Variants in CTNNA2 observed in about 807,000 individuals in gnomAD.
The protein encoded by CTNNA2 is catenin alpha-2.
In CTNNA2, 42 loss-of-function variants were observed where a neutral mutation model predicts 101.0. The ratio of observed to expected loss-of-function variants is 0.42; its 90% CI spans 0.32 to 0.54. CTNNA2 has a LOEUF of 0.54. Among genes scored for constraint, CTNNA2 ranks in the 20% least tolerant of loss-of-function variants. The pLI, the probability that CTNNA2 is intolerant of heterozygous loss-of-function variation, is 0.14. For missense variants in CTNNA2, 871 were observed against 1,223.1 expected (o/e 0.71, Z 4.29); for synonymous variants, 450 against 456.4 (o/e 0.99, Z 0.18).
intron 1 of CTNNA2, among the ~76,000 whole-genome samples, chr2:79,584,191 T>C (rs11126736): frequency 0.59 from 90,340 of 152,008 alleles, 28,136 homozygotes; most frequent in South Asian, 0.71. Context: ...ACTCTTCCTC[T>C]GGATTTATCA....
intron 7 of CTNNA2, chr2:80,288,320 T>C (rs1674949447): frequency 6.6e-6 from 1 of 151,984 alleles, no homozygotes; most frequent in African/African-American, 2.4e-5. Context: ...AAAGCAGAAT[T>C]TGGGGGGAGA....
At chr2:80,404,013 G>A (rs1336218147) in intron 8 of CTNNA2, among the ~76,000 whole-genome samples, 1 of 152,168 alleles carries the variant, frequency 6.6e-6, no homozygotes, top group African/African-American at 2.4e-5. Context: ...TGGTTTGCCA[G>A]TATTTTATTG....
chr2:80,173,522 G>A (rs1184329722), intron 7 of CTNNA2, among the ~76,000 whole-genome samples: 2 of 152,114 alleles, frequency 1.3e-5, no homozygotes, highest in Admixed American at 6.6e-5. Flanking sequence ...AGAACTTAGG[G>A]AGATTATTTA....
intron 2 of CTNNA2, among the ~76,000 whole-genome samples, chr2:79,311,118 G>T (rs981289766): frequency 6.6e-6 from 1 of 152,194 alleles, no homozygotes; most frequent in Admixed American, 6.5e-5. Context: ...AAATTACTTA[G>T]TTGGTGATTG....
chr2:80,162,611 A>G (rs1398907251), intron 7 of CTNNA2: 6 of 1,611,194 alleles, frequency 3.7e-6, no homozygotes, highest in Non-Finnish European at 5.1e-6. Flanking sequence ...CCCGGCTATA[A>G]TGTCTATCTG....
intron 3 of CTNNA2, among the ~76,000 whole-genome samples, chr2:79,817,978 T>G (rs1677665077): frequency 6.6e-6 from 1 of 152,166 alleles, no homozygotes; most frequent in African/African-American, 2.4e-5. Context: ...AAAATCACAT[T>G]TACCATTTCG....
chr2:80,407,336 C>T (rs893421144), intron 8 of CTNNA2, among the ~76,000 whole-genome samples: 2 of 152,156 alleles, frequency 1.3e-5, no homozygotes, highest in African/African-American at 4.8e-5. Context: ...GTAAATGGAG[C>T]TTGAAATAGC....
chr2:80,219,507 G>A (rs922629386), intron 7 of CTNNA2, among the ~76,000 whole-genome samples: 7 of 151,718 alleles, frequency 4.6e-5, no homozygotes, highest in Non-Finnish European at 7.4e-5. Flanking sequence ...AATTTCTATC[G>A]CTTTTGTTTT....
intron 3 of CTNNA2, among the ~76,000 whole-genome samples, chr2:79,811,304 C>T: frequency 6.6e-6 from 1 of 152,034 alleles, no homozygotes; most frequent in Non-Finnish European, 1.5e-5. Flanking sequence ...TTTCATGTGT[C>T]TTTTGGCTGC....
At chr2:79,842,826 G>C (rs1679930570) in intron 3 of CTNNA2, among the ~76,000 whole-genome samples, 1 of 151,918 alleles carries the variant, frequency 6.6e-6, no homozygotes, top group African/African-American at 2.4e-5. Context: ...AAAGACAGCT[G>C]TTATTGTATT....
chr2:79,895,305 C>G (rs544852060), intron 6 of CTNNA2, among the ~76,000 whole-genome samples: 41 of 152,130 alleles, frequency 2.7e-4, no homozygotes, highest in South Asian at 6.2e-4. Flanking sequence ...TAAAAATAGA[C>G]AGAAGAAGAT....
chr2:80,579,569 C>G (rs1158023841), intron 13 of CTNNA2: 3 of 152,188 alleles, frequency 2.0e-5, no homozygotes, highest in Non-Finnish European at 4.4e-5. Context: ...GCTCTGCCTA[C>G]TGTAGCCCTG....
At chr2:79,916,040 TA>T (rs1387845241) in intron 7 of CTNNA2, among the ~76,000 whole-genome samples, 1 of 152,242 alleles carries the variant, frequency 6.6e-6, no homozygotes, top group Non-Finnish European at 1.5e-5. Flanking sequence ...CATCGTTGAT[TA>T]AACATGAAAT....
intron 1 of CTNNA2, among the ~76,000 whole-genome samples, chr2:79,572,504 C>G (rs1258423038): frequency 6.6e-6 from 1 of 152,136 alleles, no homozygotes; most frequent in Non-Finnish European, 1.5e-5. Flanking sequence ...AATCCCAACA[C>G]TCTCTGGGAG....
chr2:79,683,745 T>C (rs1558835441), intron 2 of CTNNA2, among the ~76,000 whole-genome samples: 1 of 152,194 alleles, frequency 6.6e-6, no homozygotes, highest in Admixed American at 6.5e-5. Context: ...TTCCCACAAG[T>C]TGCAGGAGCT....
chr2:80,160,616 T>C (rs181076240), intron 7 of CTNNA2, among the ~76,000 whole-genome samples: 138 of 152,330 alleles, frequency 9.1e-4, no homozygotes, highest in African/African-American at 2.6e-3. Flanking sequence ...AATAGAATTA[T>C]GTTTCATGTA....
intron 1 of CTNNA2, among the ~76,000 whole-genome samples, chr2:79,577,275 T>C (rs1675859114): frequency 6.6e-6 from 1 of 152,104 alleles, no homozygotes; most frequent in African/African-American, 2.4e-5. Flanking sequence ...GTATGTTAAC[T>C]TTTATTCTAT....
chr2:80,271,875 A>G (rs1673517042), intron 7 of CTNNA2, among the ~76,000 whole-genome samples: 1 of 152,200 alleles, frequency 6.6e-6, no homozygotes, highest in Admixed American at 6.5e-5. Context: ...AAACAAGACA[A>G]TTTAAAGCCT....
At chr2:79,570,327 G>C (rs917933447) in intron 1 of CTNNA2, among the ~76,000 whole-genome samples, 1 of 152,022 alleles carries the variant, frequency 6.6e-6, no homozygotes, top group African/African-American at 2.4e-5. Context: ...TAAAATCACA[G>C]TCTCAGGTGT....
Sources: gnomAD v4.1 joint callset for allele counts (sites outside exome capture counted in the v4.1 genomes callset) on GRCh38, gnomAD v4.1.1 for gene constraint, MANE v1.5 for transcripts, NCBI Gene and HGNC (gene_info 2026-07-23, HGNC 2026-07-21) for gene names.